The following FILIP1L variants were observed in gnomAD, a reference collection of about 807,000 sequenced individuals.
FILIP1L encodes filamin A-interacting protein 1-like.
FILIP1L carries 55 observed loss-of-function variants against 96.6 expected under a neutral mutation model. The observed-to-expected ratio is 0.57, with a 90% confidence interval of 0.46 to 0.71. The LOEUF (loss-of-function observed/expected upper bound fraction) is 0.71, where lower values mean the gene tolerates loss of function less well. FILIP1L is among the 30% of genes least tolerant of loss of function. The pLI, the probability that FILIP1L is intolerant of heterozygous loss-of-function variation, is 0.00. For synonymous variants in FILIP1L, 467 were observed against 473.9 expected (o/e 0.99, Z 0.19); for missense variants, 1,304 against 1,321.2 (o/e 0.99, Z 0.20).
chr3:99,841,396 C>T (rs999611255), intron 5 of FILIP1L, among the ~76,000 whole-genome samples: 6 of 152,228 alleles, frequency 3.9e-5, no homozygotes, highest in Admixed American at 3.3e-4. Context: ...TGCCTTTTGC[C>T]GGAACAGCAG....
At chr3:100,002,972 C>G (rs1559721451) in intron 1 of FILIP1L, among the ~76,000 whole-genome samples, 1 of 152,144 alleles carries the variant, frequency 6.6e-6, no homozygotes, top group Non-Finnish European at 1.5e-5. Flanking sequence ...GTCCAGGCGA[C>G]AAGATTGATG....
intron 1 of FILIP1L, among the ~76,000 whole-genome samples, chr3:99,979,540 A>G (rs1435539444): frequency 6.6e-6 from 1 of 152,204 alleles, no homozygotes; most frequent in Non-Finnish European, 1.5e-5. Flanking sequence ...GATTTTTTTA[A>G]AGACTTGTTC....
At chr3:100,046,083 T>C (rs1325128162) in intron 1 of FILIP1L, among the ~76,000 whole-genome samples, 2 of 152,198 alleles carry the variant, frequency 1.3e-5, no homozygotes, top group African/African-American at 4.8e-5. Context: ...TAGTGAGGAA[T>C]TGTAACATGA....
intron 1 of FILIP1L, among the ~76,000 whole-genome samples, chr3:99,940,938 T>C (rs1707832280): frequency 6.6e-6 from 1 of 152,236 alleles, no homozygotes; most frequent in Non-Finnish European, 1.5e-5. Context: ...AGAGAAGATG[T>C]TGCAACTCTT....
intron 1 of FILIP1L, among the ~76,000 whole-genome samples, chr3:100,104,481 T>C (rs2066361721): frequency 6.6e-6 from 1 of 152,214 alleles, no homozygotes; most frequent in Non-Finnish European, 1.5e-5. Flanking sequence ...AACTTTTAAA[T>C]AAAACTGTTA....
intron 1 of FILIP1L, among the ~76,000 whole-genome samples, chr3:100,006,388 C>G (rs1709986140): frequency 6.6e-6 from 1 of 152,118 alleles, no homozygotes. Flanking sequence ...TTGCCAACAG[C>G]CTTTTTTCCT....
chr3:99,882,372 G>C (rs1377147869), intron 4 of FILIP1L, among the ~76,000 whole-genome samples: 1 of 152,104 alleles, frequency 6.6e-6, no homozygotes, highest in Non-Finnish European at 1.5e-5. Flanking sequence ...AAATAAAACT[G>C]TCTCATATAA....
At chr3:99,873,671 G>T (rs1705357175) in intron 4 of FILIP1L, among the ~76,000 whole-genome samples, 1 of 151,970 alleles carries the variant, frequency 6.6e-6, no homozygotes, top group African/African-American at 2.4e-5. Context: ...CACTTTTTTG[G>T]AGGGGAAATT....
At chr3:100,001,130 CTTAGAT>C (rs778000484) in intron 1 of FILIP1L, among the ~76,000 whole-genome samples, 1 of 152,116 alleles carries the variant, frequency 6.6e-6, no homozygotes, top group Non-Finnish European at 1.5e-5. Flanking sequence ...CCAAAATTGG[CTTAGAT>C]TTAAATAGGG....
chr3:100,086,730 TAA>T (rs2066015935), intron 1 of FILIP1L, among the ~76,000 whole-genome samples: 1 of 152,168 alleles, frequency 6.6e-6, no homozygotes, highest in Admixed American at 6.5e-5. Context: ...TTACATATGG[TAA>T]AATTCACTTT....
At chr3:100,018,094 C>T (rs570977123) in intron 1 of FILIP1L, among the ~76,000 whole-genome samples, 35 of 152,172 alleles carry the variant, frequency 2.3e-4, no homozygotes, top group African/African-American at 8.4e-4. Flanking sequence ...TTTGGGAGGC[C>T]GAGGCGGGCA....
At chr3:99,927,935 T>C (rs1400739023) in intron 3 of FILIP1L, among the ~76,000 whole-genome samples, 2 of 152,186 alleles carry the variant, frequency 1.3e-5, no homozygotes, top group African/African-American at 2.4e-5. Context: ...GAGAGCTGTT[T>C]GTTCTTCTAA....
intron 1 of FILIP1L, among the ~76,000 whole-genome samples, chr3:99,969,606 A>G (rs977558871): frequency 2.4e-4 from 36 of 152,200 alleles, no homozygotes; most frequent in African/African-American, 7.2e-4. Context: ...AGGTCAAGGA[A>G]CTATGGTTTT....
At chr3:100,080,837 T>A (rs1339519365) in intron 1 of FILIP1L, among the ~76,000 whole-genome samples, 1 of 152,214 alleles carries the variant, frequency 6.6e-6, no homozygotes, top group East Asian at 1.9e-4. Flanking sequence ...TCTTGCATAG[T>A]CCTATTTTAG....
chr3:99,892,629 G>A (rs1706119587), intron 4 of FILIP1L, among the ~76,000 whole-genome samples: 1 of 152,108 alleles, frequency 6.6e-6, no homozygotes, highest in Non-Finnish European at 1.5e-5. Context: ...ATCCAAACCT[G>A]CAACACCCAG....
At chr3:99,909,892 C>T (rs945114381) in intron 4 of FILIP1L, among the ~76,000 whole-genome samples, 2 of 152,114 alleles carry the variant, frequency 1.3e-5, no homozygotes, top group African/African-American at 4.8e-5. Flanking sequence ...CTTGAGTGAA[C>T]CCTTCATATT....
intron 4 of FILIP1L, among the ~76,000 whole-genome samples, chr3:99,890,804 T>TGG (rs1419953735): frequency 6.6e-6 from 1 of 152,106 alleles, no homozygotes; most frequent in Non-Finnish European, 1.5e-5. Flanking sequence ...TTTGCAGCTC[T>TGG]GATTCTGCCA....
At chr3:99,980,351 G>A (rs1709086272) in intron 1 of FILIP1L, among the ~76,000 whole-genome samples, 1 of 152,128 alleles carries the variant, frequency 6.6e-6, no homozygotes. Flanking sequence ...TGCATTGGAT[G>A]TTTTGAAATT....
At chr3:99,926,247 A>G (rs190107332) in intron 3 of FILIP1L, among the ~76,000 whole-genome samples, 2 of 152,374 alleles carry the variant, frequency 1.3e-5, no homozygotes, top group Admixed American at 1.3e-4. Flanking sequence ...GAACCCAGTA[A>G]ATTCTCTCTG....
Sources: gnomAD v4.1 joint callset for allele counts (sites outside exome capture counted in the v4.1 genomes callset) on GRCh38, gnomAD v4.1.1 for gene constraint, MANE v1.5 for transcripts, NCBI Gene and HGNC (gene_info 2026-07-23, HGNC 2026-07-21) for gene names.